KIF7: variants seen among roughly 807,000 people sequenced by gnomAD.
KIF7 encodes the protein kinesin-like protein KIF7.
KIF7 carries 104 observed loss-of-function variants against 135.7 expected under a neutral mutation model. The observed-to-expected ratio is 0.77, with a 90% CI of 0.65 to 0.90. The LOEUF (loss-of-function observed/expected upper bound fraction) is 0.90, where lower values mean the gene tolerates loss of function less well. KIF7 is among the 40% of genes least tolerant of loss of function. The pLI, the probability that KIF7 is intolerant of heterozygous loss-of-function variation, is 0.00. For synonymous variants in KIF7, 883 were observed against 809.4 expected, an observed-to-expected ratio of 1.09 and a Z score of -1.54; for missense variants, 2,005 against 1,839.1, an observed-to-expected ratio of 1.09 and a Z score of -1.65.
chr15:89,621,597 C>T (rs1419653488), intron 1 of KIF7: 1 of 1,513,120 alleles, frequency 6.6e-7, no homozygotes, highest in South Asian at 1.2e-5. Context: ...TCCTGGAACA[C>T]AGAGACATGG....
chr15:89,618,698 C>T (rs1284951444), intron 1 of KIF7, among the ~76,000 whole-genome samples: 5 of 152,306 alleles, frequency 3.3e-5, no homozygotes, highest in Admixed American at 6.5e-5. Context: ...TGGTGGTTCA[C>T]GCCTGTAATC....
At chr15:89,630,568 C>G in intron 15 of KIF7, 75 bp from the exon 16 acceptor site, 1 of 1,262,676 alleles carries the variant, frequency 7.9e-7, no homozygotes, top group Non-Finnish European at 1.1e-6. Flanking sequence ...CATGCAACAG[C>G]CAACACGTAG....
intron 11 of KIF7, among the ~76,000 whole-genome samples, chr15:89,640,975 C>G (rs1342065413): frequency 1.3e-5 from 2 of 152,086 alleles, no homozygotes; most frequent in Non-Finnish European, 2.9e-5. Flanking sequence ...AGCACTCCAG[C>G]CTGAGCAACA....
downstream of KIF7, chr15:89,625,554 C>T (rs1963506300): frequency 6.2e-7 from 1 of 1,613,108 alleles, no homozygotes; most frequent in African/African-American, 1.3e-5. Flanking sequence ...AGCTCCCAGA[C>T]CAGTCGCCTC....
downstream of KIF7, among the ~76,000 whole-genome samples, chr15:89,626,551 G>T (rs1416724905): frequency 6.6e-6 from 1 of 152,124 alleles, no homozygotes; most frequent in African/African-American, 2.4e-5. Flanking sequence ...TAACTGCCCT[G>T]GTTAGCAATG....
chr15:89,652,997 C>G, intron 1 of KIF7, 43 bp from the exon 2 acceptor site: 1 of 1,396,158 alleles, frequency 7.2e-7, no homozygotes, highest in Non-Finnish European at 9.5e-7. Context: ...CACTTGTACT[C>G]CAGGAGCTGG....
intron 11 of KIF7, among the ~76,000 whole-genome samples, chr15:89,639,890 C>A (rs1469090232): frequency 1.3e-5 from 2 of 152,100 alleles, no homozygotes; most frequent in African/African-American, 4.8e-5. Flanking sequence ...TTGGAACCAA[C>A]CCAAATGTCC....
chr15:89,633,359 C>T (rs1343290994), intron 12 of KIF7, 93 bp from the exon 13 acceptor site: 3 of 1,500,698 alleles, frequency 2.0e-6, no homozygotes, highest in Non-Finnish European at 2.7e-6. Flanking sequence ...AGTGCCTGCC[C>T]ACTCCCAAGA....
chr15:89,624,476 C>G, downstream of KIF7: 1 of 1,614,174 alleles, frequency 6.2e-7, no homozygotes, highest in Admixed American at 1.7e-5. Flanking sequence ...AGAAAGACCT[C>G]TGATCCCAGA....
intron 5 of KIF7, 100 bp downstream of exon 5, chr15:89,648,155 G>A: frequency 2.2e-6 from 3 of 1,348,700 alleles, no homozygotes; most frequent in Non-Finnish European, 2.9e-6. Context: ...CTGCTAATGG[G>A]CAGGAGGCAG....
At chr15:89,641,471 C>G (rs1039282031) in intron 11 of KIF7, among the ~76,000 whole-genome samples, 1 of 152,156 alleles carries the variant, frequency 6.6e-6, no homozygotes, top group Non-Finnish European at 1.5e-5. Context: ...GGTGGATGCA[C>G]CTGTGGATAA....
chr15:89,634,496 G>A (rs944541781), intron 11 of KIF7, among the ~76,000 whole-genome samples: 29 of 152,338 alleles, frequency 1.9e-4, no homozygotes, highest in East Asian at 3.9e-4. Context: ...GAAGCAGGGC[G>A]AGGCATTGCC....
intron 11 of KIF7, among the ~76,000 whole-genome samples, chr15:89,640,687 G>A (rs765141977): frequency 1.3e-5 from 2 of 151,956 alleles, no homozygotes; most frequent in Non-Finnish European, 2.9e-5. Flanking sequence ...TCATATGAAG[G>A]TAAAAAAATA....
chr15:89,655,786 C>G (rs1022424372), upstream of KIF7, among the ~76,000 whole-genome samples: 3 of 152,192 alleles, frequency 2.0e-5, no homozygotes, highest in Non-Finnish European at 2.9e-5. Flanking sequence ...CTCACACAGC[C>G]GGCAGAAACT....
At chr15:89,641,262 A>G (rs1275662180) in intron 11 of KIF7, among the ~76,000 whole-genome samples, 2 of 152,042 alleles carry the variant, frequency 1.3e-5, no homozygotes, top group African/African-American at 4.8e-5. Context: ...ACAGCCAGGA[A>G]GTGGCCGTCT....
chr15:89,657,163 A>T (rs1964215203), upstream of KIF7, among the ~76,000 whole-genome samples: 1 of 152,138 alleles, frequency 6.6e-6, no homozygotes, highest in South Asian at 2.1e-4. Flanking sequence ...AAACATAGGC[A>T]GGCGTAGTGG....
downstream of KIF7, chr15:89,624,345 G>T (rs1963475505): frequency 6.2e-7 from 1 of 1,614,018 alleles, no homozygotes; most frequent in Non-Finnish European, 8.5e-7. Context: ...AGCCCCAGAT[G>T]TCACCCAGCG....
chr15:89,653,170 C>T (rs920656276), intron 1 of KIF7, among the ~76,000 whole-genome samples: 1 of 152,198 alleles, frequency 6.6e-6, no homozygotes, highest in Non-Finnish European at 1.5e-5. Flanking sequence ...TCATGGCTTC[C>T]GGCACTGGCG....
chr15:89,633,608 G>A (rs1963733543), intron 12 of KIF7, 78 bp downstream of exon 12: 1 of 1,512,500 alleles, frequency 6.6e-7, no homozygotes, highest in South Asian at 1.2e-5. Flanking sequence ...TGCAAACCCT[G>A]CCTGGGCTCC....
Sources: allele counts gnomAD v4.1 joint callset (sites outside exome capture counted in the v4.1 genomes callset), GRCh38; gene constraint gnomAD v4.1.1; transcripts MANE v1.5; gene names NCBI Gene and HGNC (gene_info 2026-07-23, HGNC 2026-07-21).